EYS: variants seen among roughly 807,000 people sequenced by gnomAD.
The protein encoded by EYS is EGF-like photoreceptor maintenance factor.
EYS carries 250 observed loss-of-function variants against 282.1 expected under a neutral mutation model. The ratio of observed to expected loss-of-function variants is 0.89; its 90% confidence interval spans 0.80 to 0.98. The LOEUF (loss-of-function observed/expected upper bound fraction) is 0.98. EYS is among the 50% of genes least tolerant of loss of function. The probability of loss-of-function intolerance (pLI) is 0.00; values close to 1 mark genes in which losing one functional copy is unlikely to be tolerated. For synonymous variants in EYS, 1,355 were observed against 1,282.9 expected, an observed-to-expected ratio of 1.06 and a Z score of -1.20; for missense variants, 4,016 against 3,709.0, an observed-to-expected ratio of 1.08 and a Z score of -2.15.
At chr6:64,927,330 A>C (rs1768550140) in intron 15 of EYS, among the ~76,000 whole-genome samples, 1 of 152,162 alleles carries the variant, frequency 6.6e-6, no homozygotes, top group Non-Finnish European at 1.5e-5. Context: ...ATTGAGCAAA[A>C]CAACATTGAT....
At chr6:65,234,086 A>C (rs1012398074) in intron 12 of EYS, among the ~76,000 whole-genome samples, 15 of 147,150 alleles carry the variant, frequency 1.0e-4, no homozygotes, top group African/African-American at 3.8e-4. Context: ...ACTGCCCACC[A>C]AGATCTTCAT....
intron 33 of EYS, among the ~76,000 whole-genome samples, chr6:64,053,879 T>G (rs1266510593): frequency 6.6e-6 from 1 of 152,172 alleles, no homozygotes; most frequent in Non-Finnish European, 1.5e-5. Flanking sequence ...AGCATTTTAT[T>G]TGTATATTTG....
At chr6:64,797,294 A>T (rs1774383044) in intron 22 of EYS, among the ~76,000 whole-genome samples, 1 of 151,886 alleles carries the variant, frequency 6.6e-6, no homozygotes, top group Admixed American at 6.6e-5. Context: ...TTTAAGGCAC[A>T]GCAGGGATTG....
At chr6:64,551,181 CACATATAT>C (rs1342836808) in intron 26 of EYS, among the ~76,000 whole-genome samples, 3 of 148,880 alleles carry the variant, frequency 2.0e-5, no homozygotes, top group African/African-American at 4.9e-5. Flanking sequence ...CATATATACA[CACATATAT>C]ACATATATAC....
At chr6:64,730,167 G>A (rs1658931001) in intron 22 of EYS, among the ~76,000 whole-genome samples, 1 of 152,108 alleles carries the variant, frequency 6.6e-6, no homozygotes, top group Non-Finnish European at 1.5e-5. Context: ...AATGAAGCAA[G>A]AGCCCTAAAA....
intron 32 of EYS, among the ~76,000 whole-genome samples, chr6:64,077,115 T>C (rs1771800033): frequency 6.6e-6 from 1 of 152,016 alleles, no homozygotes; most frequent in Non-Finnish European, 1.5e-5. Context: ...CCATCCATGT[T>C]TGCAACTTAC....
At chr6:64,753,122 G>A (rs760768457) in intron 22 of EYS, among the ~76,000 whole-genome samples, 3 of 152,070 alleles carry the variant, frequency 2.0e-5, no homozygotes, top group Non-Finnish European at 2.9e-5. Context: ...AGATAAAAGG[G>A]TGATGCTTGC....
intron 2 of EYS, among the ~76,000 whole-genome samples, chr6:65,514,978 G>T (rs1363056358): frequency 6.6e-6 from 1 of 152,092 alleles, no homozygotes; most frequent in Non-Finnish European, 1.5e-5. Flanking sequence ...CACAGCAAAA[G>T]AAACTACCAT....
intron 5 of EYS, among the ~76,000 whole-genome samples, chr6:65,482,129 T>C (rs1765630342): frequency 6.6e-6 from 1 of 152,104 alleles, no homozygotes; most frequent in African/African-American, 2.4e-5. Context: ...CTAATAATTA[T>C]CATAGTGACT....
chr6:64,791,270 T>A (rs1774182791), intron 22 of EYS, among the ~76,000 whole-genome samples: 1 of 151,846 alleles, frequency 6.6e-6, no homozygotes, highest in South Asian at 2.1e-4. Context: ...TTCTAATGAC[T>A]TTTAATTTGG....
At chr6:65,477,586 T>C (rs1219641672) in intron 5 of EYS, among the ~76,000 whole-genome samples, 1 of 152,180 alleles carries the variant, frequency 6.6e-6, no homozygotes, top group Non-Finnish European at 1.5e-5. Flanking sequence ...CAATTCAACA[T>C]TCTACAAGGG....
chr6:63,937,558 T>C (rs936337661), intron 35 of EYS, among the ~76,000 whole-genome samples: 1 of 151,374 alleles, frequency 6.6e-6, no homozygotes, highest in Non-Finnish European at 1.5e-5. Flanking sequence ...TTTTTTTGTA[T>C]TTTTAGTAGA....
At chr6:64,819,886 T>C (rs1303787834) in intron 21 of EYS, among the ~76,000 whole-genome samples, 1 of 151,824 alleles carries the variant, frequency 6.6e-6, no homozygotes, top group Non-Finnish European at 1.5e-5. Flanking sequence ...AATCAAAAAG[T>C]AAAAGAACTA....
chr6:65,492,443 T>C (rs1304224071), intron 4 of EYS, among the ~76,000 whole-genome samples: 1 of 152,154 alleles, frequency 6.6e-6, no homozygotes, highest in African/African-American at 2.4e-5. Context: ...AACCATTCTA[T>C]GCAGTTATAA....
At chr6:65,434,488 A>G (rs1490969974) in intron 5 of EYS, among the ~76,000 whole-genome samples, 1 of 151,762 alleles carries the variant, frequency 6.6e-6, no homozygotes, top group East Asian at 1.9e-4. Context: ...GCCCAGCTAA[A>G]TTTTTGTATT....
At chr6:63,752,061 T>C (rs1018244648) in intron 41 of EYS, among the ~76,000 whole-genome samples, 2 of 152,182 alleles carry the variant, frequency 1.3e-5, no homozygotes, top group Admixed American at 6.5e-5. Context: ...AATTTGGGGG[T>C]TGAACAGATG....
intron 35 of EYS, among the ~76,000 whole-genome samples, chr6:63,952,877 A>C (rs1462543467): frequency 6.6e-6 from 1 of 152,040 alleles, no homozygotes; most frequent in Non-Finnish European, 1.5e-5. Context: ...ATCCCATCCC[A>C]CAGCATGCTT....
chr6:65,375,596 T>C (rs138142529), intron 8 of EYS, among the ~76,000 whole-genome samples: 2 of 151,926 alleles, frequency 1.3e-5, no homozygotes, highest in African/African-American at 4.8e-5. Context: ...TCCTCTGAGC[T>C]AAAGGAAGCA....
At chr6:65,539,453 T>C (rs896875258) in intron 2 of EYS, among the ~76,000 whole-genome samples, 1 of 152,144 alleles carries the variant, frequency 6.6e-6, no homozygotes, top group African/African-American at 2.4e-5. Context: ...TATAAATATA[T>C]TGGACCGATT....
Sources: allele counts gnomAD v4.1 joint callset (sites outside exome capture counted in the v4.1 genomes callset), GRCh38; gene constraint gnomAD v4.1.1; transcripts MANE v1.5; gene names NCBI Gene and HGNC (gene_info 2026-07-23, HGNC 2026-07-21).